MTERF4: variants seen among roughly 807,000 people sequenced by gnomAD.
MTERF4 encodes the protein transcription termination factor 4, mitochondrial.
In MTERF4, 17 loss-of-function variants were observed where a neutral mutation model predicts 22.5. That is an observed-to-expected ratio of 0.75 (90% confidence interval 0.52 to 1.13). The LOEUF is 1.13. Ranked by LOEUF, MTERF4 falls within the 50% of genes most tolerant of loss-of-function variation. The pLI is 0.00. For synonymous variants in MTERF4, 165 were observed against 175.3 expected, an observed-to-expected ratio of 0.94 and a Z score of 0.47; for missense variants, 420 against 466.8, an observed-to-expected ratio of 0.90 and a Z score of 0.92.
At chr2:241,052,060 C>T in the MTERF4 span, 1 of 1,613,830 alleles carries the variant, frequency 6.2e-7, no homozygotes, top group East Asian at 2.2e-5. Flanking sequence ...ACTCGTGTGC[C>T]TCTGGCCCCT....
At position 241,077,183 on chromosome 2, in the gene MTERF4, C is replaced by T. The variant is rs558088823; in HGVS notation, n.480-1501G>A. The stretch of plus-strand genomic sequence containing the variant: ...CCATTCAATGTGGAAAGAATAGTCT[C>T]AGCAAATGGTGCTGGGACAGCTGGA... On this transcript the variant is annotated intron_variant and non_coding_transcript_variant, in intron 4 of 4. Coordinates refer to the MTERF4 transcript ENST00000464344. Among the ~76,000 whole-genome samples the T allele has an allele frequency of 3.3e-5, 5 of 152,242 alleles. No individual in the cohort carries two copies. The East Asian group carries it at 9.6e-4, about 29-fold the overall frequency.
Position 241,078,331 on chromosome 2 carries a change from T to C in MTERF4, n.480-2649A>G, listed in dbSNP as rs1322261804. 1.5e-4 allele frequency among the ~76,000 whole-genome samples: 21 copies of C among 142,092 alleles called. No individual in the cohort carries two copies. In the East Asian group the frequency reaches 4.3e-3, roughly 29 times the overall value. The allele number at this position is 142,092 out of a possible 152,430, so 93.2% of individuals were successfully genotyped here. A position where few individuals can be genotyped will look rare whatever the true frequency, so the allele number is the denominator to read the frequency against. On this transcript the variant is annotated intron_variant and non_coding_transcript_variant, in intron 4 of 4. Coordinates refer to the MTERF4 transcript ENST00000464344. ...CCGGGAGGTGGAGTTTGCAGTGAGG[T>C]GAGATCGCGCCACTGCACTGCAGCC...
At chr2:241,048,499 C>T in the MTERF4 span, 59 of 1,543,928 alleles carry the variant, frequency 3.8e-5, no homozygotes, top group Admixed American at 1.1e-3. Context: ...CCAGGGAGGG[C>T]CTTCCTGTGG....
At chr2:241,070,141 G>A (rs772072839), downstream of MTERF4, 2 of 1,611,458 alleles carry the variant, frequency 1.2e-6, no homozygotes, top group African/African-American at 2.7e-5. Context: ...TGTGATAGCA[G>A]TGCAGAGCAC....
downstream of MTERF4, chr2:241,069,769 C>T (rs2062623409): frequency 1.1e-6 from 1 of 891,706 alleles, no homozygotes; most frequent in East Asian, 2.6e-5. The surrounding 1 kb of genome is among the most constrained non-coding windows in gnomAD (Gnocchi z 4.9). Flanking sequence ...CGTGCCAGCC[C>T]ACACCCCGCC....
At chr2:241,067,771 C>T, downstream of MTERF4, 1 of 1,607,034 alleles carries the variant, frequency 6.2e-7, no homozygotes, top group South Asian at 1.1e-5. Flanking sequence ...TAGGACCCCG[C>T]CCTGTGGAAG....
At chr2:241,088,446 G>A (rs771223755), downstream of MTERF4, 58 of 1,537,914 alleles carry the variant, frequency 3.8e-5, no homozygotes, top group Non-Finnish European at 4.9e-5. Flanking sequence ...GAGCTGCTGG[G>A]AAGTGGGGGG....
the MTERF4 span, chr2:241,049,750 C>CCAG: frequency 7.8e-7 from 1 of 1,285,374 alleles, no homozygotes. Context: ...AAGGTGCCCG[C>CCAG]CAGCCTCTTG....
At chr2:241,087,762 G>A (rs2063660400), downstream of MTERF4, 21 of 1,184,406 alleles carry the variant, frequency 1.8e-5, no homozygotes, top group Non-Finnish European at 2.2e-5. Flanking sequence ...GGAAGCACAG[G>A]GTGTTACGGA....
chr2:241,051,342 A>G, the MTERF4 span: 1 of 182,304 alleles, frequency 5.5e-6, no homozygotes, highest in East Asian at 1.4e-4. This position sits in a 1 kb window ranked among gnomAD's most constrained non-coding sequence, Gnocchi z 4.7. Context: ...AGAAATCCAG[A>G]TTGACTGCTG....
chr2:241,090,524 C>G (rs2125349576), downstream of MTERF4: 3 of 1,417,030 alleles, frequency 2.1e-6, no homozygotes, highest in Non-Finnish European at 2.8e-6. Context: ...ATTATGTACT[C>G]TACATAATTG....
chr2:241,102,277 G>A lies in MTERF4; in HGVS notation c.-4C>T. 2 of 1,549,494 alleles carry A rather than the reference G, an allele frequency of 1.3e-6. No homozygotes were observed. Among genetic ancestry groups the A allele is most frequent in the Non-Finnish European group, 8.7e-7 (1 of 1,145,972 alleles). On this transcript the variant is annotated 5_prime_UTR_variant, in exon 1 of 4. Transcript: ENST00000391980. ...CCTGACGGCCGAACGCAGCCATAGC[G>A]CGGAGAAGATGGCAGCAGTTACGGC...
chr2:241,097,031 G>A (rs1161586525), intron 3 of MTERF4: 5 of 611,906 alleles, frequency 8.2e-6, no homozygotes, highest in Non-Finnish European at 1.4e-5. Flanking sequence ...GATGTATGCA[G>A]AGAATCTAGT....
At chr2:241,044,912 G>A in the MTERF4 span, among the ~76,000 whole-genome samples, 1 of 152,190 alleles carries the variant, frequency 6.6e-6, no homozygotes, top group South Asian at 2.1e-4. Flanking sequence ...GAAAAAGGTA[G>A]CCCCAGAAAA....
chr2:241,082,424 G>C (rs1002890668), downstream of MTERF4: 1 of 1,355,340 alleles, frequency 7.4e-7, no homozygotes, highest in African/African-American at 1.4e-5. Flanking sequence ...ACTCCTCAAA[G>C]TGCTGTCTCA....
chr2:241,080,677 G>T (rs576593802), intron 4 of MTERF4, among the ~76,000 whole-genome samples: 2 of 152,374 alleles, frequency 1.3e-5, no homozygotes, highest in Admixed American at 1.3e-4. Flanking sequence ...GAAAACAACT[G>T]ACAGCAATGG....
chr2:241,090,306 C>T, downstream of MTERF4: 3 of 1,549,578 alleles, frequency 1.9e-6, no homozygotes, highest in Non-Finnish European at 2.6e-6. Flanking sequence ...ATGTCACCTT[C>T]TTCCACTTCC....
chr2:241,053,410 G>T, the MTERF4 span: 1 of 1,394,954 alleles, frequency 7.2e-7, no homozygotes, highest in Non-Finnish European at 9.6e-7. Flanking sequence ...AGGGGCTGCA[G>T]GCCCAAGCCT....
At chr2:241,062,751 C>G in the MTERF4 span, 4 of 1,397,320 alleles carry the variant, frequency 2.9e-6, no homozygotes, top group African/African-American at 4.2e-5. Context: ...TTGGCTTAAT[C>G]GTGGCCACAT....
Sources: allele counts gnomAD v4.1 joint callset (sites outside exome capture counted in the v4.1 genomes callset), GRCh38; gene constraint gnomAD v4.1.1; non-coding constraint Gnocchi (gnomAD v3.1); transcripts MANE v1.5; gene names NCBI Gene and HGNC (gene_info 2026-07-23, HGNC 2026-07-21).